Variants in SLC1A1 observed in about 807,000 individuals in gnomAD.
SLC1A1 encodes the protein solute carrier family 1 member 1.
Under a neutral mutation model 53.3 loss-of-function variants are expected in SLC1A1, and 43 were observed. The ratio of observed to expected loss-of-function variants is 0.81; its 90% CI spans 0.63 to 1.04. The LOEUF (loss-of-function observed/expected upper bound fraction) is 1.04, where lower values mean the gene tolerates loss of function less well. Ranked by LOEUF, SLC1A1 falls within the 50% of genes least tolerant of loss-of-function variation. The pLI is 0.00. For synonymous variants in SLC1A1, 307 were observed against 243.2 expected (o/e 1.26, Z -2.44); for missense variants, 748 against 664.9 (o/e 1.12, Z -1.37).
chr9:4,509,876 C>T (rs1407359580), intron 1 of SLC1A1, among the ~76,000 whole-genome samples: 1 of 152,210 alleles, frequency 6.6e-6, no homozygotes, highest in Non-Finnish European at 1.5e-5. Context: ...CTCTGTCCCC[C>T]AGGCTGGAGT....
chr9:4,559,049 C>T (rs1818689159), intron 2 of SLC1A1, among the ~76,000 whole-genome samples: 1 of 152,106 alleles, frequency 6.6e-6, no homozygotes, highest in Non-Finnish European at 1.5e-5. Context: ...TTATGATTTG[C>T]TCTTTCTTTA....
At chr9:4,532,375 G>C (rs965233062) in intron 1 of SLC1A1, among the ~76,000 whole-genome samples, 3 of 152,158 alleles carry the variant, frequency 2.0e-5, no homozygotes, top group African/African-American at 4.8e-5. Context: ...TAAAGGACCT[G>C]ATGAAGCTGA....
chr9:4,542,433 T>C (rs986026036), intron 1 of SLC1A1, among the ~76,000 whole-genome samples: 1 of 152,208 alleles, frequency 6.6e-6, no homozygotes, highest in African/African-American at 2.4e-5. Context: ...CCTACATTAA[T>C]TTAGCATAGA....
intron 3 of SLC1A1, among the ~76,000 whole-genome samples, chr9:4,561,904 C>A (rs1818981645): frequency 6.6e-6 from 1 of 151,944 alleles, no homozygotes; most frequent in Non-Finnish European, 1.5e-5. Flanking sequence ...AAAAGCTCAA[C>A]TACTTTTTAA....
At chr9:4,567,213 C>T (rs779515588) in intron 5 of SLC1A1, among the ~76,000 whole-genome samples, 8 of 152,152 alleles carry the variant, frequency 5.3e-5, no homozygotes, top group Non-Finnish European at 1.0e-4. Flanking sequence ...ACAACCATAT[C>T]GTTAAACCTT....
chr9:4,551,893 G>C (rs1817958068), intron 2 of SLC1A1, among the ~76,000 whole-genome samples: 1 of 152,172 alleles, frequency 6.6e-6, no homozygotes, highest in Non-Finnish European at 1.5e-5. Context: ...TGAAATGCCT[G>C]GCCTCCAAAG....
intron 10 of SLC1A1, among the ~76,000 whole-genome samples, chr9:4,579,785 C>G (rs1188395728): frequency 2.0e-5 from 3 of 152,074 alleles, no homozygotes; most frequent in African/African-American, 4.8e-5. Flanking sequence ...TTTCTGTGGA[C>G]TGGACATCAA....
intron 1 of SLC1A1, among the ~76,000 whole-genome samples, chr9:4,492,865 A>C (rs1355373121): frequency 6.6e-6 from 1 of 152,068 alleles, no homozygotes; most frequent in East Asian, 1.9e-4. Flanking sequence ...TCCCTGTGGA[A>C]GTGGAGTTAT....
chr9:4,530,607 G>T (rs764240656), intron 1 of SLC1A1, among the ~76,000 whole-genome samples: 2 of 152,184 alleles, frequency 1.3e-5, no homozygotes, highest in African/African-American at 2.4e-5. Flanking sequence ...AAAAGGGAAA[G>T]ATGACTCAAT....
In SLC1A1 at chr9:4,519,969, G is replaced by A. The variant is rs113742864; in HGVS notation, c.92-24598G>A. 4.5e-3 allele frequency among the ~76,000 whole-genome samples: 684 copies of A among 152,256 alleles called. 5 individuals are homozygous for A. The highest frequency in any genetic ancestry group is 0.015 in the African/African-American group (624 of 41,530). ...GCTTTTATTTTACTTTATCTATAGG[G>A]ATTTTCAGATCACACTGTTCTCAAA... On this transcript the variant is annotated intron_variant, in intron 1 of 11. Transcript: ENST00000262352.
chr9:4,531,198 G>A lies in SLC1A1; in HGVS notation c.92-13369G>A, dbSNP rs551759614. ...CAGGTTCATCTCACTGGGGAGTGTC[G>A]GAAAGTGGGTGCAGGACAGTGGGTG... On this transcript the variant is annotated intron_variant, in intron 1 of 11. Coordinates refer to ENST00000262352, the MANE Select transcript of SLC1A1 (RefSeq NM_004170.6). Among the ~76,000 whole-genome samples the A allele has an allele frequency of 4.5e-4, 68 of 152,318 alleles. 1 individual carries two copies. Among genetic ancestry groups the A allele is most frequent in the Middle Eastern group, 3.4e-3 (1 of 294 alleles).
intron 1 of SLC1A1, among the ~76,000 whole-genome samples, chr9:4,498,739 CTAAT>C (rs1820528417): frequency 2.0e-5 from 3 of 150,858 alleles, no homozygotes; most frequent in South Asian, 2.1e-4. Context: ...ATGAGCACTA[CTAAT>C]TAGTTTCCAT....
chr9:4,580,261 AAAG>A (rs1820932202), intron 10 of SLC1A1, among the ~76,000 whole-genome samples: 1 of 144,178 alleles, frequency 6.9e-6, no homozygotes, highest in Admixed American at 7.1e-5. Context: ...GAAAGAGAGA[AAAG>A]AAAAAGAAAG....
chr9:4,490,981 T>C (rs1820214702), intron 1 of SLC1A1, among the ~76,000 whole-genome samples: 2 of 152,210 alleles, frequency 1.3e-5, no homozygotes, highest in Non-Finnish European at 2.9e-5. Flanking sequence ...GGACTCCCAT[T>C]TGAGTGCTCC....
intron 1 of SLC1A1, among the ~76,000 whole-genome samples, chr9:4,496,033 A>G (rs1200859229): frequency 6.6e-6 from 1 of 152,144 alleles, no homozygotes; most frequent in African/African-American, 2.4e-5. Flanking sequence ...TGGAGTGTCG[A>G]CTTAAGACAG....
chr9:4,585,525 C>T lies in SLC1A1; in HGVS notation c.1542C>T (p.Asp514=), dbSNP rs747303238. Residue 514 remains aspartate (D), a synonymous_variant, in exon 12 of 12, where the codon GAC becomes GAT. Coordinates refer to ENST00000262352, the MANE Select transcript of SLC1A1 (RefSeq NM_004170.6). ...GAGGCTTTGCAGTAGACAAGTCTGACACCATCTCATTCACCCAGACCTCAC... is the reference window on the plus strand; with the variant it reads ...GAGGCTTTGCAGTAGACAAGTCTGATACCATCTCATTCACCCAGACCTCAC... ...VNGGFAVDKS[D]TISFTQTSQF is the part of the protein sequence containing the mutation. The T allele has an allele frequency of 1.1e-5, 17 of 1,614,222 alleles. No individual in the cohort carries two copies. The highest frequency in any genetic ancestry group is 1.7e-5 in the Admixed American group (1 of 60,028).
At chr9:4,536,266 A>C (rs1167826532) in intron 1 of SLC1A1, among the ~76,000 whole-genome samples, 1 of 152,176 alleles carries the variant, frequency 6.6e-6, no homozygotes, top group Non-Finnish European at 1.5e-5. Flanking sequence ...CAACCTACAG[A>C]ATGGGAGAAA....
Position 4,544,579 on chromosome 9 carries a change from G to T in SLC1A1, c.104G>T (p.Gly35Val), listed in dbSNP as rs938979296. ...TTGTTTTCCTTAGGCATTACCACAG[G>T]AGTCTTGGTTCGAGAACACAGCAAC... ...VAAVVLGITT[G>V]VLVREHSNLS... The change falls in exon 2 of 12, where the codon GGA becomes GTA. Residue 35 changes from glycine (G) to valine (V), a missense_variant. Physicochemically the swap from Gly to Val is moderately radical, Grantham distance 109. Transcript: ENST00000262352. 3 of 1,613,592 alleles carry T rather than the reference G, an allele frequency of 1.9e-6. No individual in the cohort carries two copies. In the African/African-American group the frequency reaches 4.0e-5, roughly 22 times the overall value.
At chr9:4,559,265 T>C (rs1371071614) in intron 2 of SLC1A1, among the ~76,000 whole-genome samples, 1 of 152,234 alleles carries the variant, frequency 6.6e-6, no homozygotes, top group East Asian at 1.9e-4. Flanking sequence ...TTCTAGAATG[T>C]GACTATTGCA....
Sources: gnomAD v4.1 joint callset for allele counts (sites outside exome capture counted in the v4.1 genomes callset) on GRCh38, gnomAD v4.1.1 for gene constraint, MANE v1.5 for transcripts, NCBI Gene and HGNC (gene_info 2026-07-23, HGNC 2026-07-21) for gene names.